Variants in ATP1A1 observed in about 807,000 individuals in gnomAD.
ATP1A1 encodes ATPase Na+/K+ transporting subunit alpha 1, also known as sodium/potassium-transporting ATPase subunit alpha-1.
In ATP1A1, 14 loss-of-function variants were observed where a neutral mutation model predicts 114.8. The ratio of observed to expected loss-of-function variants is 0.12; its 90% CI spans 0.08 to 0.19. The LOEUF is 0.19. Ranked by LOEUF, ATP1A1 falls within the 10% of genes least tolerant of loss-of-function variation. The pLI is 1.00. For synonymous variants in ATP1A1, 471 were observed against 466.3 expected, an observed-to-expected ratio of 1.01 and a Z score of -0.13; for missense variants, 524 against 1,290.7, an observed-to-expected ratio of 0.41 and a Z score of 9.10.
chr1:116,390,524 TC>T, intron 9 of ATP1A1, 113 bp downstream of exon 9: 3 of 1,120,006 alleles, frequency 2.7e-6, no homozygotes, highest in Admixed American at 3.0e-5. Context: ...GGCAGCTTTT[TC>T]TTTCTTTTTT....
In ATP1A1 at chr1:116,389,188, C is replaced by G. The variant is rs568884356; in HGVS notation, c.754+169C>G. Among the ~76,000 whole-genome samples the G allele has an allele frequency of 4.6e-5, 7 of 152,236 alleles. No homozygotes were observed. The East Asian group carries it at 1.4e-3, about 29-fold the overall frequency. On this transcript the variant is annotated intron_variant, in intron 7 of 22. Coordinates refer to ENST00000295598, the MANE Select transcript of ATP1A1 (RefSeq NM_000701.8). The surrounding 1 kb of genome is among the most constrained non-coding windows in gnomAD (Gnocchi z 6.9). ...CTGGCAGGAAACCTTGTGGCAGTTT[C>G]CCTTCCCTCCACCTCCACCCTGCCT...
At chr1:116,373,830 G>T (rs1651161770) in intron 1 of ATP1A1, 1 of 1,249,998 alleles carries the variant, frequency 8.0e-7, no homozygotes, top group African/African-American at 1.6e-5. Flanking sequence ...GAGAGGCGGT[G>T]CTTGGGAAGC....
rs1652653232 is a variant in ATP1A1 at position 116,393,619 on chromosome 1, G to A, written c.1556G>A (p.Ser519Asn). 6.2e-7 allele frequency: 1 copy of A among 1,614,180 alleles called. No individual in the cohort carries two copies. ...GAPERILDRC[S>N]SILLHGKEQP... is the part of the protein sequence containing the mutation. ...CCAGAAAGGATCCTAGACCGTTGCA[G>A]CTCTATCCTCCTCCACGGCAAGGAG... The change falls in exon 12 of 23, where the codon AGC becomes AAC. Residue 519 changes from serine (S) to asparagine (N), a missense_variant. Around this residue, in one of 8 missense-constraint regions of ATP1A1, gnomAD observed 143 missense variants for 259.3 expected, o/e 0.55. Transcript: ENST00000295598. The surrounding 1 kb of genome is among the most constrained non-coding windows in gnomAD (Gnocchi z 5.0).
In ATP1A1 at chr1:116,387,525, T is replaced by A. The variant is rs1228405991; in HGVS notation, c.387+34T>A. The stretch of plus-strand genomic sequence containing the variant: ...TGTAATTCAGCATATGGATTTGTAG[T>A]ACACATCAGATATCTTCTCCGTCTT... On this transcript the variant is annotated intron_variant, in intron 4 of 22. Transcript: ENST00000295598. The surrounding 1 kb of genome is among the most constrained non-coding windows in gnomAD (Gnocchi z 6.7). The A allele has an allele frequency of 6.2e-7, 1 of 1,605,268 alleles. No individual in the cohort carries two copies. The highest frequency in any genetic ancestry group is 8.5e-7 in the Non-Finnish European group (1 of 1,172,522).
At chr1:116,374,982 G>A (rs1301752096) in intron 1 of ATP1A1, among the ~76,000 whole-genome samples, 1 of 152,196 alleles carries the variant, frequency 6.6e-6, no homozygotes, top group African/African-American at 2.4e-5. Context: ...GTCCAGGTCA[G>A]GTGGCATCAA....
rs1172481672 is a variant in ATP1A1 at position 116,384,914 on chromosome 1, C to G, written c.183+72C>G. 2 of 1,428,528 alleles carry G rather than the reference C, an allele frequency of 1.4e-6. No homozygotes were observed. Among genetic ancestry groups the G allele is most frequent in the Non-Finnish European group, 2.0e-6 (2 of 1,013,464 alleles). 88.5% of individuals were successfully genotyped at this position (1,428,528 alleles called of 1,614,324 possible). ...ATTATATTTTCCCCTGTATTACATACAGGTCTAACCTCAGGGGCTCTAGTA... is the reference window on the plus strand; with the variant it reads ...ATTATATTTTCCCCTGTATTACATAGAGGTCTAACCTCAGGGGCTCTAGTA... On this transcript the variant is annotated intron_variant, in intron 3 of 22. Coordinates refer to ENST00000295598, the MANE Select transcript of ATP1A1 (RefSeq NM_000701.8). This position sits in a 1 kb window ranked among gnomAD's most constrained non-coding sequence, Gnocchi z 5.1.
Position 116,387,550 on chromosome 1 carries a change from T to C in ATP1A1, c.387+59T>C, listed in dbSNP as rs753811029. 48 of 1,567,692 alleles carry C rather than the reference T, an allele frequency of 3.1e-5. No individual in the cohort carries two copies. Among genetic ancestry groups the C allele is most frequent in the Non-Finnish European group, 3.8e-5 (44 of 1,143,128 alleles). ...TACACATCAGATATCTTCTCCGTCTTTGTCTCCCACTTCTTCTCAATTACC... is the reference window on the plus strand; with the variant it reads ...TACACATCAGATATCTTCTCCGTCTCTGTCTCCCACTTCTTCTCAATTACC... On this transcript the variant is annotated intron_variant, in intron 4 of 22. Coordinates refer to ENST00000295598, the MANE Select transcript of ATP1A1 (RefSeq NM_000701.8). The surrounding 1 kb of genome is among the most constrained non-coding windows in gnomAD (Gnocchi z 6.7).
intron 1 of ATP1A1, chr1:116,374,057 GT>G: frequency 7.1e-7 from 1 of 1,405,198 alleles, no homozygotes; most frequent in Non-Finnish European, 9.3e-7. Flanking sequence ...CGCGGCCCCG[GT>G]TCCGGCGGGG....
In ATP1A1 at chr1:116,376,284, AG is replaced by A. The variant is rs1651362428; in HGVS notation, c.12+2767del. 3.9e-5 allele frequency among the ~76,000 whole-genome samples: 6 copies of A among 152,336 alleles called. No individual in the cohort carries two copies. The South Asian group carries it at 8.3e-4, about 21-fold the overall frequency. On this transcript the variant is annotated intron_variant, in intron 1 of 22. Coordinates refer to ENST00000295598, the MANE Select transcript of ATP1A1 (RefSeq NM_000701.8). Reference sequence around the variant, plus strand: ...GAAAAAAGGTTCCAGTGAAGGTGGCAGGGGGGATGCACATGTCAGCAGAAAT... The same window carrying A: ...GAAAAAAGGTTCCAGTGAAGGTGGCAGGGGGATGCACATGTCAGCAGAAAT...
At chr1:116,376,231 T>C (rs757892143) in intron 1 of ATP1A1, among the ~76,000 whole-genome samples, 2 of 152,064 alleles carry the variant, frequency 1.3e-5, no homozygotes, top group Admixed American at 6.5e-5. Flanking sequence ...AATCATAGCT[T>C]ATGAGTAGTG....
chr1:116,384,211 A>T lies in ATP1A1; in HGVS notation c.123+87A>T. 9.7e-7 allele frequency: 1 copy of T among 1,034,224 alleles called. No homozygotes were observed. The highest frequency in any genetic ancestry group is 1.4e-6 in the Non-Finnish European group (1 of 691,250). 64.1% of individuals were successfully genotyped at this position (1,034,224 alleles called of 1,614,324 possible). ...CAGGCCTCACTGTATTCTTCAAAGA[A>T]CTGCTATATATTAAAAGAGATCATA... On this transcript the variant is annotated intron_variant, in intron 2 of 22. Transcript: ENST00000295598. This position sits in a 1 kb window ranked among gnomAD's most constrained non-coding sequence, Gnocchi z 5.1.
intron 1 of ATP1A1, 47 bp downstream of exon 1, chr1:116,373,570 G>A: frequency 2.9e-6 from 4 of 1,400,698 alleles, no homozygotes; most frequent in Non-Finnish European, 3.7e-6. Context: ...AGCCCTCGAG[G>A]GGAAGAGGAG....
At position 116,393,816 on chromosome 1, in the gene ATP1A1, T is replaced by G; in HGVS notation, c.1660+93T>G. ...GTTAACAAGTGATCCTATGAACCTC[T>G]ATGTCTTGTTGACCTTCCTCTACAT... On this transcript the variant is annotated intron_variant, in intron 12 of 22. Transcript: ENST00000295598. This position sits in a 1 kb window ranked among gnomAD's most constrained non-coding sequence, Gnocchi z 5.0. 10 of 1,270,174 alleles carry G rather than the reference T, an allele frequency of 7.9e-6. No individual in the cohort carries two copies. Among genetic ancestry groups the G allele is most frequent in the Non-Finnish European group, 1.1e-5 (10 of 933,732 alleles). The allele number at this position is 1,270,174 out of a possible 1,614,324, so 78.7% of individuals were successfully genotyped here.
chr1:116,404,053 AG>A lies in ATP1A1; in HGVS notation c.3043+80del, dbSNP rs1426584392. ...TTCTATTGGTTTTTTGTTTCCCTCAAGGTGTCTAGGCTCCCTCAGTGGTCAG... is the reference window on the plus strand; with the variant it reads ...TTCTATTGGTTTTTTGTTTCCCTCAAGTGTCTAGGCTCCCTCAGTGGTCAG... On this transcript the variant is annotated intron_variant, in intron 22 of 22. Coordinates refer to ENST00000295598, the MANE Select transcript of ATP1A1 (RefSeq NM_000701.8). This position sits in a 1 kb window ranked among gnomAD's most constrained non-coding sequence, Gnocchi z 4.8. 7.1e-7 allele frequency: 1 copy of A among 1,405,650 alleles called. No individual in the cohort carries two copies. The highest frequency in any genetic ancestry group is 9.9e-7 in the Non-Finnish European group (1 of 1,006,164). 87.1% of individuals were successfully genotyped at this position (1,405,650 alleles called of 1,614,324 possible).
intron 21 of ATP1A1, among the ~76,000 whole-genome samples, chr1:116,403,067 T>C (rs1653646667): frequency 6.6e-6 from 1 of 152,228 alleles, no homozygotes; most frequent in Non-Finnish European, 1.5e-5. Context: ...ATTTCCATCT[T>C]CTGGGTCCTT....
chr1:116,375,663 T>A (rs1651316779), intron 1 of ATP1A1, among the ~76,000 whole-genome samples: 1 of 152,200 alleles, frequency 6.6e-6, no homozygotes, highest in Admixed American at 6.5e-5. Flanking sequence ...CTTGTGTGTG[T>A]GTTTGTGTGT....
intron 18 of ATP1A1, among the ~76,000 whole-genome samples, chr1:116,400,400 CA>C (rs1038303673): frequency 3.3e-5 from 5 of 152,028 alleles, no homozygotes; most frequent in African/African-American, 1.2e-4. Flanking sequence ...AATTGGATGC[CA>C]GGGGGAGGAG....
chr1:116,391,012 G>A lies in ATP1A1; in HGVS notation c.1332+121G>A, dbSNP rs1003254006. 1.3e-5 allele frequency: 11 copies of A among 841,288 alleles called. 1 individual carries two copies. The highest frequency in any genetic ancestry group is 2.1e-5 in the Non-Finnish European group (11 of 513,036). 52.1% of individuals were successfully genotyped at this position (841,288 alleles called of 1,614,324 possible). A position where few individuals can be genotyped will look rare whatever the true frequency, so the allele number is the denominator to read the frequency against. On this transcript the variant is annotated intron_variant, in intron 10 of 22. Coordinates refer to ENST00000295598, the MANE Select transcript of ATP1A1 (RefSeq NM_000701.8). ...GACTGTTCACTGTAGAACACCTGGA[G>A]TGGTCTGTGCAGTACTTTGCTGTGT...
Position 116,404,569 on chromosome 1 carries a change from G to A in ATP1A1, c.*125G>A. ...CTGGTAGGAAAGCACCGCAGCATGTGGGGAAGCAAGACGTCCTGGAATGAA... is the reference window on the plus strand; with the variant it reads ...CTGGTAGGAAAGCACCGCAGCATGTAGGGAAGCAAGACGTCCTGGAATGAA... On this transcript the variant is annotated 3_prime_UTR_variant, in exon 23 of 23. Coordinates refer to ENST00000295598, the MANE Select transcript of ATP1A1 (RefSeq NM_000701.8). This position sits in a 1 kb window ranked among gnomAD's most constrained non-coding sequence, Gnocchi z 4.8. 1.4e-6 allele frequency: 2 copies of A among 1,421,334 alleles called. No homozygotes were observed. Among genetic ancestry groups the A allele is most frequent in the Non-Finnish European group, 1.8e-6 (2 of 1,089,030 alleles). 88.0% of individuals were successfully genotyped at this position (1,421,334 alleles called of 1,614,324 possible). A position where few individuals can be genotyped will look rare whatever the true frequency, so the allele number is the denominator to read the frequency against.
Sources: allele counts gnomAD v4.1 joint callset (sites outside exome capture counted in the v4.1 genomes callset), GRCh38; gene constraint gnomAD v4.1.1; regional missense constraint gnomAD v4.1.1; non-coding constraint Gnocchi (gnomAD v3.1); transcripts MANE v1.5; gene names NCBI Gene and HGNC (gene_info 2026-07-23, HGNC 2026-07-21).